The following KIAA1328 variants were observed in gnomAD, a reference collection of about 807,000 sequenced individuals.
KIAA1328 encodes protein hinderin.
A neutral mutation model predicts 68.1 loss-of-function variants in KIAA1328; 52 were observed. That is an observed-to-expected ratio of 0.76 (90% CI 0.61 to 0.96). The LOEUF (loss-of-function observed/expected upper bound fraction) is 0.96. Ranked by LOEUF, KIAA1328 falls within the 40% of genes least tolerant of loss-of-function variation. The probability of loss-of-function intolerance (pLI) is 0.00; values close to 1 mark genes in which losing one functional copy is unlikely to be tolerated. For synonymous variants in KIAA1328, 232 were observed against 239.4 expected, an observed-to-expected ratio of 0.97 and a Z score of 0.28; for missense variants, 641 against 677.6, an observed-to-expected ratio of 0.95 and a Z score of 0.60.
chr18:37,140,191 A>T (rs2058736893), intron 7 of KIAA1328, among the ~76,000 whole-genome samples: 1 of 151,906 alleles, frequency 6.6e-6, no homozygotes, highest in African/African-American at 2.4e-5. Context: ...TTTTTTTTAT[A>T]ATGCCTTTTC....
At chr18:37,096,395 A>T (rs963749258) in intron 7 of KIAA1328, among the ~76,000 whole-genome samples, 9 of 152,136 alleles carry the variant, frequency 5.9e-5, no homozygotes, top group Non-Finnish European at 1.0e-4. Flanking sequence ...TGTCCCTACA[A>T]AGGACATGAA....
chr18:36,860,326 T>G (rs113352185), intron 4 of KIAA1328, among the ~76,000 whole-genome samples: 309 of 152,292 alleles, frequency 2.0e-3, no homozygotes, highest in Middle Eastern at 0.01. Context: ...ACTTAGTGAT[T>G]TTTTTAACTC....
chr18:37,045,851 T>C (rs185982208), intron 6 of KIAA1328, among the ~76,000 whole-genome samples: 27 of 152,334 alleles, frequency 1.8e-4, no homozygotes, highest in African/African-American at 5.8e-4. Context: ...GACTTTGTAG[T>C]ATAACACATG....
intron 7 of KIAA1328, among the ~76,000 whole-genome samples, chr18:37,068,453 T>C (rs1231863023): frequency 1.3e-5 from 2 of 152,236 alleles, no homozygotes; most frequent in Non-Finnish European, 1.5e-5. Flanking sequence ...TATTATATAA[T>C]GTTTCTTTAC....
intron 7 of KIAA1328, among the ~76,000 whole-genome samples, chr18:37,153,514 A>T (rs986346985): frequency 6.6e-6 from 1 of 151,506 alleles, no homozygotes; most frequent in Non-Finnish European, 1.5e-5. Context: ...GTATAAACGC[A>T]TGTTTTTCCC....
Position 36,983,585 on chromosome 18 carries a change from G to A in KIAA1328, c.576+24150G>A, listed in dbSNP as rs187751937. Among the ~76,000 whole-genome samples the A allele has an allele frequency of 7.8e-3, 1,187 of 151,930 alleles. 7 individuals carry two copies. Among genetic ancestry groups the A allele is most frequent in the Admixed American group, 0.011 (168 of 15,240 alleles). ...TGAGAATACTTAAGAGAAAAAAAAA[G>A]GATAACCTAGTTTTATATCTGTTAA... On this transcript the variant is annotated intron_variant, in intron 6 of 9. Coordinates refer to ENST00000280020, the MANE Select transcript of KIAA1328 (RefSeq NM_020776.3).
chr18:37,025,077 G>A (rs1482974731), intron 6 of KIAA1328, among the ~76,000 whole-genome samples: 1 of 152,120 alleles, frequency 6.6e-6, no homozygotes, highest in Admixed American at 6.6e-5. Context: ...ATTCTAACTG[G>A]TATGAGATGG....
intron 6 of KIAA1328, among the ~76,000 whole-genome samples, chr18:37,021,657 G>C (rs1486698458): frequency 6.6e-6 from 1 of 152,082 alleles, no homozygotes; most frequent in East Asian, 1.9e-4. Flanking sequence ...TTTTTTAAGT[G>C]AGGAATTGGG....
intron 9 of KIAA1328, among the ~76,000 whole-genome samples, chr18:37,205,174 C>T (rs567230177): frequency 1.1e-4 from 16 of 152,360 alleles, no homozygotes; most frequent in African/African-American, 3.8e-4. Context: ...GTACAACCCA[C>T]ATTTCTGTCC....
chr18:37,105,885 C>G (rs1460266897), intron 7 of KIAA1328, among the ~76,000 whole-genome samples: 2 of 124,060 alleles, frequency 1.6e-5, no homozygotes, highest in Admixed American at 1.9e-4. Context: ...CCACTGCGCT[C>G]CAGCCTGGTT....
At chr18:36,895,407 C>T (rs1226448909) in intron 5 of KIAA1328, among the ~76,000 whole-genome samples, 3 of 152,152 alleles carry the variant, frequency 2.0e-5, no homozygotes, top group Non-Finnish European at 4.4e-5. Flanking sequence ...TGCCAAAGGG[C>T]GTCTATGTGA....
At chr18:37,113,190 C>G (rs2057988874) in intron 7 of KIAA1328, among the ~76,000 whole-genome samples, 1 of 151,942 alleles carries the variant, frequency 6.6e-6, no homozygotes. Context: ...AAGAGCAACT[C>G]CAAGACACAT....
At chr18:37,190,330 A>G (rs775025742) in intron 9 of KIAA1328, among the ~76,000 whole-genome samples, 3 of 152,234 alleles carry the variant, frequency 2.0e-5, no homozygotes, top group Non-Finnish European at 2.9e-5. Context: ...ATTAAAAATC[A>G]CTGCTATAAA....
chr18:36,920,160 T>C (rs2049862626), intron 5 of KIAA1328, among the ~76,000 whole-genome samples: 1 of 152,214 alleles, frequency 6.6e-6, no homozygotes, highest in Non-Finnish European at 1.5e-5. Context: ...TTTCCTAGGT[T>C]TTTATCTAGG....
chr18:37,198,798 C>T (rs1482347078), intron 9 of KIAA1328, among the ~76,000 whole-genome samples: 1 of 152,132 alleles, frequency 6.6e-6, no homozygotes, highest in Admixed American at 6.5e-5. Context: ...AAGTGGGAAG[C>T]AAGGCCATCT....
At chr18:36,975,329 C>T (rs1483382737) in intron 6 of KIAA1328, among the ~76,000 whole-genome samples, 1 of 151,568 alleles carries the variant, frequency 6.6e-6, no homozygotes, top group Non-Finnish European at 1.5e-5. Flanking sequence ...ACTACAGGCG[C>T]CCGCCACTAC....
At chr18:36,869,265 G>A (rs2047861906) in intron 4 of KIAA1328, among the ~76,000 whole-genome samples, 1 of 152,122 alleles carries the variant, frequency 6.6e-6, no homozygotes, top group South Asian at 2.1e-4. Flanking sequence ...TCTGAGCTCT[G>A]TATCAAAAGA....
chr18:36,861,059 G>GT (rs1200224498), intron 4 of KIAA1328, among the ~76,000 whole-genome samples: 1 of 151,992 alleles, frequency 6.6e-6, no homozygotes, highest in African/African-American at 2.4e-5. Flanking sequence ...TTTGACTAGT[G>GT]TTTTTTTGTA....
chr18:36,909,721 C>T (rs2049360210), intron 5 of KIAA1328, among the ~76,000 whole-genome samples: 1 of 152,202 alleles, frequency 6.6e-6, no homozygotes, highest in Admixed American at 6.5e-5. Context: ...CTGTGTTCCA[C>T]AATGGTTGAA....
Sources: gnomAD v4.1 joint callset for allele counts (sites outside exome capture counted in the v4.1 genomes callset) on GRCh38, gnomAD v4.1.1 for gene constraint, MANE v1.5 for transcripts, NCBI Gene and HGNC (gene_info 2026-07-23, HGNC 2026-07-21) for gene names.